CCDC92: variants seen among roughly 807,000 people sequenced by gnomAD.
CCDC92 encodes the protein coiled-coil domain containing 92, also known as coiled-coil domain-containing protein 92.
Under a neutral mutation model 24.9 loss-of-function variants are expected in CCDC92, and 12 were observed. That is an observed-to-expected ratio of 0.48 (90% CI 0.31 to 0.78). The LOEUF (loss-of-function observed/expected upper bound fraction) is 0.78, where lower values mean the gene tolerates loss of function less well. CCDC92 is among the 30% of genes least tolerant of loss of function. The probability of loss-of-function intolerance (pLI) is 0.05; values close to 1 mark genes in which losing one functional copy is unlikely to be tolerated. For missense variants in CCDC92, 399 were observed against 439.4 expected (o/e 0.91, Z 0.82); for synonymous variants, 193 against 196.3 (o/e 0.98, Z 0.14).
intron 1 of CCDC92, chr12:123,946,025 C>CCCCGCCATCCATTTCCCGTCCA: frequency 3.8e-5 from 6 of 156,784 alleles, no homozygotes; most frequent in Admixed American, 6.6e-5. Flanking sequence ...TGCTGGCATC[C>CCCCGCCATCCATTTCCCGTCCA]TGCTTTGAAA....
At chr12:123,938,625 G>GCTGGCTGGCCATCCTCCTTGC (rs1955595939) in intron 4 of CCDC92, among the ~76,000 whole-genome samples, 1 of 152,248 alleles carries the variant, frequency 6.6e-6, no homozygotes, top group East Asian at 1.9e-4. Flanking sequence ...CCTAACGCTG[G>GCTGGCTGGCCATCCTCCTTGC]CTGGCTGGCC....
intron 1 of CCDC92, chr12:123,971,363 T>C (rs1956527682): frequency 2.0e-5 from 3 of 151,848 alleles, no homozygotes; most frequent in Admixed American, 6.5e-5. Context: ...CTTTAAACGT[T>C]AGCATCTTTT....
intron 1 of CCDC92, among the ~76,000 whole-genome samples, chr12:123,948,894 T>C (rs986021948): frequency 9.9e-5 from 15 of 152,166 alleles, no homozygotes; most frequent in Non-Finnish European, 1.5e-4. Flanking sequence ...CCTTCACTAC[T>C]GAAGAGAGGT....
chr12:123,972,126 T>C (rs1956564061), intron 1 of CCDC92: 2 of 151,834 alleles, frequency 1.3e-5, no homozygotes, highest in Non-Finnish European at 2.9e-5. Flanking sequence ...GACCGGCCTC[T>C]CCTCCCCCTT....
At chr12:123,968,841 C>G (rs561324007) in intron 1 of CCDC92, among the ~76,000 whole-genome samples, 2 of 152,190 alleles carry the variant, frequency 1.3e-5, no homozygotes, top group African/African-American at 4.8e-5. Context: ...TGCTAGAGAA[C>G]GAGAGAGTAA....
chr12:123,941,874 G>A (rs1955695156), intron 4 of CCDC92, among the ~76,000 whole-genome samples: 1 of 152,194 alleles, frequency 6.6e-6, no homozygotes, highest in Non-Finnish European at 1.5e-5. Flanking sequence ...AATGGAAACT[G>A]GACACAGTCA....
intron 4 of CCDC92, among the ~76,000 whole-genome samples, chr12:123,941,780 C>T (rs1020996519): frequency 1.3e-5 from 2 of 152,188 alleles, no homozygotes; most frequent in Non-Finnish European, 2.9e-5. Context: ...TTTTCTTTGT[C>T]CTCTTTCCCT....
In CCDC92 at chr12:123,942,881, C is replaced by T. The variant is rs967350233; in HGVS notation, c.182-96G>A. 3.5e-5 allele frequency: 34 copies of T among 959,258 alleles called. 1 individual carries two copies. The highest frequency in any genetic ancestry group is 2.2e-4 in the South Asian group (17 of 76,834). The allele number at this position is 959,258 out of a possible 1,614,324, so 59.4% of individuals were successfully genotyped here. ...AAAACCGATTCCCACGATTAGCCAG[C>T]GAGTCCTACCCAGACAGAGCAGGGT... is the stretch of plus-strand genomic sequence containing the variant. On this transcript the variant is annotated intron_variant, in intron 3 of 4. Transcript: ENST00000238156.
rs761814821 is a variant in CCDC92, at chr12:123,937,584, T to C, written c.470A>G (p.Tyr157Cys). Residue 157 changes from tyrosine to cysteine, a missense_variant, in exon 5 of 5, where the codon TAC becomes TGC. By Grantham distance (194) the Tyr-to-Cys change is radical. Coordinates refer to ENST00000238156, the MANE Select transcript of CCDC92 (RefSeq NM_025140.3). The surrounding 1 kb of genome is among the most constrained non-coding windows in gnomAD (Gnocchi z 8.4). The part of the protein sequence containing the change: ...ELEQRASTIA[Y>C]LTSQLHAAKK... ...GGCGGCGTGCAGCTGGGAGGTCAGGTAGGCGATGGTGCTGGCCCGCTGCTC... is the reference window on the plus strand; with the variant it reads ...GGCGGCGTGCAGCTGGGAGGTCAGGCAGGCGATGGTGCTGGCCCGCTGCTC... The C allele has an allele frequency of 1.2e-6, 2 of 1,613,318 alleles. No individual in the cohort carries two copies. The highest frequency in any genetic ancestry group is 1.3e-5 in the African/African-American group (1 of 74,998).
At chr12:123,967,038 C>A (rs1311773508) in intron 1 of CCDC92, among the ~76,000 whole-genome samples, 34 of 152,262 alleles carry the variant, frequency 2.2e-4, no homozygotes, top group African/African-American at 7.9e-4. Context: ...TGAACTGGGT[C>A]CTGATACCAC....
intron 1 of CCDC92, chr12:123,946,381 T>A (rs566298743): frequency 6.5e-6 from 1 of 152,726 alleles, no homozygotes; most frequent in Non-Finnish European, 1.5e-5. Context: ...GCTCCTCCTC[T>A]GCCCAGAACA....
At chr12:123,939,475 G>GTTCT (rs150559166) in intron 4 of CCDC92, among the ~76,000 whole-genome samples, 5,701 of 152,246 alleles carry the variant, frequency 0.037, 335 homozygotes, top group African/African-American at 0.12. Flanking sequence ...TGAAAATACC[G>GTTCT]TAAGTCAAAA....
intron 1 of CCDC92, among the ~76,000 whole-genome samples, chr12:123,966,878 G>A (rs1956404476): frequency 6.6e-6 from 1 of 152,010 alleles, no homozygotes; most frequent in African/African-American, 2.4e-5. Flanking sequence ...CTGCAAAAAG[G>A]GATGAGACAC....
chr12:123,954,804 G>A (rs1409528501), intron 1 of CCDC92, among the ~76,000 whole-genome samples: 1 of 152,226 alleles, frequency 6.6e-6, no homozygotes. Flanking sequence ...TGGGCCTCAT[G>A]GAAGTTTGGG....
intron 1 of CCDC92, among the ~76,000 whole-genome samples, chr12:123,961,956 A>C (rs147803016): frequency 5.1e-4 from 77 of 152,372 alleles, no homozygotes; most frequent in South Asian, 3.7e-3. Context: ...CCCTAAAAGA[A>C]GACGAAATGC....
chr12:123,957,699 C>CTT (rs59738995), intron 1 of CCDC92, among the ~76,000 whole-genome samples: 34 of 75,764 alleles, frequency 4.5e-4, no homozygotes, highest in African/African-American at 6.1e-4. Context: ...TTTTTTCCTT[C>CTT]TTTTTTTTTT....
chr12:123,942,813 C>T (rs201725026), intron 3 of CCDC92, 28 bp from the exon 4 acceptor site: 17 of 1,559,264 alleles, frequency 1.1e-5, no homozygotes, highest in African/African-American at 1.4e-5. Flanking sequence ...CACATTAATT[C>T]TTTTACTGTA....
intron 1 of CCDC92, among the ~76,000 whole-genome samples, chr12:123,966,788 A>T (rs765751626): frequency 2.6e-5 from 4 of 152,210 alleles, no homozygotes; most frequent in Non-Finnish European, 5.9e-5. Context: ...ACTCTGCTCT[A>T]ACCACAGCCT....
intron 1 of CCDC92, among the ~76,000 whole-genome samples, chr12:123,970,828 A>G (rs141532352): frequency 2.8e-4 from 43 of 152,244 alleles, no homozygotes; most frequent in African/African-American, 8.9e-4. Context: ...CTTTTTTAAC[A>G]TAAGTATTTT....
Sources: allele counts gnomAD v4.1 joint callset (sites outside exome capture counted in the v4.1 genomes callset), GRCh38; gene constraint gnomAD v4.1.1; non-coding constraint Gnocchi (gnomAD v3.1); transcripts MANE v1.5; gene names NCBI Gene and HGNC (gene_info 2026-07-23, HGNC 2026-07-21).